Variants in MIX23 observed in about 807,000 individuals in gnomAD.
The protein encoded by MIX23 is protein MIX23.
Under a neutral mutation model 21.6 loss-of-function variants are expected in MIX23, and 13 were observed. The observed-to-expected ratio is 0.60, with a 90% CI of 0.39 to 0.96. The LOEUF (loss-of-function observed/expected upper bound fraction) is 0.96. Among genes scored for constraint, MIX23 ranks in the 40% least tolerant of loss-of-function variants. The probability of loss-of-function intolerance (pLI) is 0.00; values close to 1 mark genes in which losing one functional copy is unlikely to be tolerated. For missense variants in MIX23, 144 were observed against 171.2 expected (o/e 0.84, Z 0.89); for synonymous variants, 59 against 58.0 (o/e 1.02, Z -0.08).
chr3:122,371,553 AG>A, intron 2 of MIX23, 121 bp downstream of exon 2: 1 of 1,080,260 alleles, frequency 9.3e-7, no homozygotes, highest in Non-Finnish European at 1.4e-6. Context: ...ATACACCATC[AG>A]GTATAGGCAA....
rs775666156 is a variant in MIX23 at position 122,368,282 on chromosome 3, T to A, written c.218A>T (p.Asn73Ile). 43 of 1,608,514 alleles carry A rather than the reference T, an allele frequency of 2.7e-5. No homozygotes were observed. The highest frequency in any genetic ancestry group is 3.6e-5 in the Non-Finnish European group (42 of 1,179,364). The stretch of plus-strand genomic sequence containing the variant: ...TACTGCTGAAGTCTGGGCTATACAG[T>A]TTTTTATGACTCTGTCTCTACTGGC... ...AHASRDRVIKNCIAQTSAVVK... is the reference protein window; with the variant it reads ...AHASRDRVIKICIAQTSAVVK... The change falls in exon 3 of 5, where the codon AAC becomes ATC. Residue 73 changes from asparagine to isoleucine, a missense_variant. Coordinates refer to ENST00000291458, the MANE Select transcript of MIX23 (RefSeq NM_001017928.4).
chr3:122,375,141 C>G (rs1456833725), intron 1 of MIX23, among the ~76,000 whole-genome samples: 1 of 152,060 alleles, frequency 6.6e-6, no homozygotes, highest in Admixed American at 6.5e-5. Context: ...CTAAAACAAA[C>G]AAACAAACAA....
At chr3:122,376,987 A>C (rs1196271152) in intron 1 of MIX23, among the ~76,000 whole-genome samples, 1 of 152,122 alleles carries the variant, frequency 6.6e-6, no homozygotes, top group Non-Finnish European at 1.5e-5. Flanking sequence ...GTTTGAGACC[A>C]GTTTGGCCAT....
intron 1 of MIX23, among the ~76,000 whole-genome samples, chr3:122,378,642 A>T (rs771228315): frequency 6.6e-6 from 1 of 152,346 alleles, no homozygotes; most frequent in East Asian, 1.9e-4. Context: ...ATACTTGTGT[A>T]TCTAAATATA....
chr3:122,371,836 T>A, intron 1 of MIX23, 36 bp from the exon 2 acceptor site: 1 of 1,515,596 alleles, frequency 6.6e-7, no homozygotes, highest in Non-Finnish European at 9.0e-7. Flanking sequence ...ATAACCCAAA[T>A]GGAAAGTTAG....
At position 122,362,996 on chromosome 3, in the gene MIX23, T is replaced by C; in HGVS notation, c.356A>G (p.Glu119Gly). Residue 119 changes from glutamate to glycine, a missense_variant, in exon 4 of 5, where the codon GAA (glutamate) becomes GGA (glycine). Glu to Gly is a moderately conservative substitution (Grantham distance 98). Coordinates refer to ENST00000291458, the MANE Select transcript of MIX23 (RefSeq NM_001017928.4). ...CCAGCTCCTGTCATTTACCACTTCT[T>C]CAACATTCAGTTCTGACTGCATCCA... ...LKWMQSELNV[E>G]EVVNDRSWKV... is the part of the protein sequence containing the mutation. The C allele has an allele frequency of 6.2e-7, 1 of 1,613,138 alleles. No homozygotes were observed. The highest frequency in any genetic ancestry group is 8.5e-7 in the Non-Finnish European group (1 of 1,179,618).
intron 3 of MIX23, 60 bp from the exon 4 acceptor site, chr3:122,363,087 T>A: frequency 1.4e-6 from 2 of 1,430,330 alleles, no homozygotes; most frequent in Non-Finnish European, 1.9e-6. Flanking sequence ...AAAACTGAAG[T>A]TATAAAATTT....
intron 1 of MIX23, 131 bp downstream of exon 1, chr3:122,383,043 C>T (rs1319900278): frequency 8.0e-7 from 1 of 1,247,798 alleles, no homozygotes; most frequent in East Asian, 2.3e-5. Context: ...CCATGACCTC[C>T]AATGGCTCGA....
At chr3:122,360,524 G>T (rs1157812676) in intron 4 of MIX23, among the ~76,000 whole-genome samples, 2 of 152,156 alleles carry the variant, frequency 1.3e-5, no homozygotes, top group African/African-American at 2.4e-5. Context: ...AGAGGGAAGG[G>T]AAAGTAGGAG....
At chr3:122,374,051 T>G (rs1398373476) in intron 1 of MIX23, among the ~76,000 whole-genome samples, 1 of 150,336 alleles carries the variant, frequency 6.7e-6, no homozygotes, top group African/African-American at 2.4e-5. Context: ...AAAAAATAGG[T>G]AAGTAGAAGA....
intron 1 of MIX23, among the ~76,000 whole-genome samples, chr3:122,382,107 T>A (rs1178432475): frequency 1.3e-5 from 2 of 152,188 alleles, no homozygotes; most frequent in Non-Finnish European, 2.9e-5. Flanking sequence ...TTTTAAACAC[T>A]CTTTTCTGGA....
At chr3:122,372,560 A>G (rs1393537554) in intron 1 of MIX23, among the ~76,000 whole-genome samples, 12 of 152,150 alleles carry the variant, frequency 7.9e-5, no homozygotes, top group African/African-American at 2.9e-4. Flanking sequence ...GGTGGCTCAC[A>G]CCTGTAATCC....
intron 1 of MIX23, among the ~76,000 whole-genome samples, chr3:122,377,181 C>T (rs771320190): frequency 6.6e-5 from 10 of 151,862 alleles, no homozygotes; most frequent in Non-Finnish European, 1.3e-4. Context: ...ACTCCATCTC[C>T]GAAAAGAAAC....
At chr3:122,381,910 A>T (rs2075536015) in intron 1 of MIX23, among the ~76,000 whole-genome samples, 1 of 152,084 alleles carries the variant, frequency 6.6e-6, no homozygotes, top group Admixed American at 6.6e-5. Flanking sequence ...CCCTTAAATC[A>T]AACTGTATAG....
chr3:122,383,096 T>G, intron 1 of MIX23, 78 bp downstream of exon 1: 1 of 1,556,326 alleles, frequency 6.4e-7, no homozygotes, highest in Non-Finnish European at 8.9e-7. Flanking sequence ...AGCTGGTTCA[T>G]ACTCCCTCGC....
chr3:122,371,692 T>G lies in MIX23; in HGVS notation c.160A>C (p.Lys54Gln). Reference protein sequence around the residue: ...AGKIDASQTCKQLYESLMAAH... With the variant: ...AGKIDASQTCQQLYESLMAAH... ...ACACTTACAGACTCATAAAGTTGTTTACAGGTTTGGCTGGCATCAATTTTC... is the reference window on the plus strand; with the variant it reads ...ACACTTACAGACTCATAAAGTTGTTGACAGGTTTGGCTGGCATCAATTTTC... Residue 54 changes from lysine to glutamine, a missense_variant, in exon 2 of 5, where the codon AAA becomes CAA. Lys to Gln is a moderately conservative substitution (Grantham distance 53, BLOSUM62 1). Transcript: ENST00000291458. 2 of 1,612,282 alleles carry G rather than the reference T, an allele frequency of 1.2e-6. No homozygotes were observed. The highest frequency in any genetic ancestry group is 1.3e-5 in the African/African-American group (1 of 74,980).
chr3:122,381,491 T>C (rs962906440), intron 1 of MIX23, among the ~76,000 whole-genome samples: 2 of 152,106 alleles, frequency 1.3e-5, no homozygotes, highest in Non-Finnish European at 2.9e-5. Flanking sequence ...TTCGGAAGGC[T>C]GAAAGGGGTG....
chr3:122,364,145 T>C (rs763778776), intron 3 of MIX23, among the ~76,000 whole-genome samples: 2 of 152,220 alleles, frequency 1.3e-5, no homozygotes, highest in African/African-American at 4.8e-5. Flanking sequence ...GAGAAATTTG[T>C]GGCAACAACG....
intron 2 of MIX23, 74 bp from the exon 3 acceptor site, chr3:122,368,396 A>C: frequency 7.2e-7 from 1 of 1,398,160 alleles, no homozygotes. Context: ...TTTCAAAAAA[A>C]TCCTTGAGAC....
Sources: gnomAD v4.1 joint callset for allele counts (sites outside exome capture counted in the v4.1 genomes callset) on GRCh38, gnomAD v4.1.1 for gene constraint, MANE v1.5 for transcripts, NCBI Gene and HGNC (gene_info 2026-07-23, HGNC 2026-07-21) for gene names.